The following KCNIP1 variants were observed in gnomAD, a reference collection of about 807,000 sequenced individuals.
KCNIP1 encodes potassium voltage-gated channel interacting protein 1.
Under a neutral mutation model 33.0 loss-of-function variants are expected in KCNIP1, and 18 were observed. The ratio of observed to expected loss-of-function variants is 0.55; its 90% CI spans 0.38 to 0.81. The LOEUF is 0.81. Among genes scored for constraint, KCNIP1 ranks in the 30% least tolerant of loss-of-function variants. KCNIP1 has a pLI of 0.00. For missense variants in KCNIP1, 238 were observed against 271.6 expected, an observed-to-expected ratio of 0.88 and a Z score of 0.87; for synonymous variants, 93 against 98.3, an observed-to-expected ratio of 0.95 and a Z score of 0.32.
intron 1 of KCNIP1, among the ~76,000 whole-genome samples, chr5:170,655,963 G>A (rs770384525): frequency 3.7e-4 from 56 of 152,318 alleles, no homozygotes; most frequent in Non-Finnish European, 7.1e-4. Context: ...GCCCCAAAGG[G>A]CTAGTATGAG....
intron 1 of KCNIP1, among the ~76,000 whole-genome samples, chr5:170,418,380 G>A (rs1414202989): frequency 6.6e-6 from 1 of 152,316 alleles, no homozygotes; most frequent in South Asian, 2.1e-4. Context: ...GCAGAGCTGA[G>A]ACTGCACCAC....
At chr5:170,456,843 C>T (rs35243222) in intron 1 of KCNIP1, among the ~76,000 whole-genome samples, 10,925 of 151,970 alleles carry the variant, frequency 0.072, 414 homozygotes, top group African/African-American at 0.094. Flanking sequence ...CTCAGACTCT[C>T]GAGTAGCTGG....
intron 1 of KCNIP1, among the ~76,000 whole-genome samples, chr5:170,373,945 GGGCAAT>G (rs757895954): frequency 8.5e-5 from 13 of 152,200 alleles, no homozygotes; most frequent in Non-Finnish European, 1.5e-4. Context: ...CCATGTGACA[GGGCAAT>G]GGCTGGTGAG....
intron 1 of KCNIP1, among the ~76,000 whole-genome samples, chr5:170,557,605 G>C (rs149191494): frequency 6.6e-6 from 1 of 152,172 alleles, no homozygotes; most frequent in African/African-American, 2.4e-5. Context: ...TGCCAGTGGA[G>C]AGCAGGGAAG....
upstream of KCNIP1, among the ~76,000 whole-genome samples, chr5:170,503,520 C>G (rs75830690): frequency 6.5e-3 from 985 of 152,150 alleles, 28 homozygotes; most frequent in East Asian, 0.072. Flanking sequence ...TCTGCAGAAC[C>G]CTCAAGGACC....
intron 1 of KCNIP1, among the ~76,000 whole-genome samples, chr5:170,653,906 T>C (rs1204188493): frequency 6.6e-6 from 1 of 151,902 alleles, no homozygotes; most frequent in African/African-American, 2.4e-5. Context: ...AATATTGAAA[T>C]TTTCACTAAA....
chr5:170,437,886 G>A (rs1755901166), intron 1 of KCNIP1, among the ~76,000 whole-genome samples: 1 of 152,214 alleles, frequency 6.6e-6, no homozygotes, highest in Non-Finnish European at 1.5e-5. Flanking sequence ...ATCAGCACAT[G>A]ACCGAACAAA....
intron 1 of KCNIP1, among the ~76,000 whole-genome samples, chr5:170,495,106 C>A (rs1757284433): frequency 6.6e-6 from 1 of 152,184 alleles, no homozygotes; most frequent in South Asian, 2.1e-4. Context: ...TGGCAGAGAA[C>A]CCTCAATCAG....
intron 1 of KCNIP1, among the ~76,000 whole-genome samples, chr5:170,659,712 A>T (rs1761402681): frequency 6.6e-6 from 1 of 152,242 alleles, no homozygotes; most frequent in Admixed American, 6.5e-5. Flanking sequence ...CAGGCTCGGA[A>T]CAAGACTCCT....
At chr5:170,638,318 G>A (rs533321530) in intron 1 of KCNIP1, among the ~76,000 whole-genome samples, 104 of 152,264 alleles carry the variant, frequency 6.8e-4, no homozygotes, top group Non-Finnish European at 5.0e-4. Context: ...CCCCCTGCCA[G>A]GCACGTGCTG....
intron 1 of KCNIP1, among the ~76,000 whole-genome samples, chr5:170,675,971 C>A (rs993624645): frequency 1.9e-5 from 2 of 103,470 alleles, no homozygotes; most frequent in African/African-American, 9.7e-5. Flanking sequence ...ATAGGTAAGA[C>A]TTTTTAATCT....
intron 1 of KCNIP1, among the ~76,000 whole-genome samples, chr5:170,561,495 G>A (rs1757032981): frequency 6.6e-6 from 1 of 152,248 alleles, no homozygotes; most frequent in African/African-American, 2.4e-5. Flanking sequence ...GGAGCATGTG[G>A]GAGACAAGTT....
In KCNIP1 at chr5:170,597,817, A is replaced by G. The variant is rs1373937887; in HGVS notation, c.61+93184A>G. Reference sequence around the variant, plus strand: ...TATATATATATATATATATATATATATATATATATATATGAAAGAAAGAAA... The same window carrying G: ...TATATATATATATATATATATATATGTATATATATATATGAAAGAAAGAAA... On this transcript the variant is annotated intron_variant, in intron 1 of 7. Transcript: ENST00000328939. Among the ~76,000 whole-genome samples, 48 of 97,968 alleles carry G rather than the reference A, an allele frequency of 4.9e-4. 1 individual carries two copies. The highest frequency in any genetic ancestry group is 3.5e-3 in the South Asian group (12 of 3,402). 64.3% of individuals were successfully genotyped at this position (97,968 alleles called of 152,430 possible).
intron 1 of KCNIP1, among the ~76,000 whole-genome samples, chr5:170,480,400 C>G (rs989494110): frequency 2.6e-5 from 4 of 151,882 alleles, no homozygotes. Context: ...TATAAAAGTC[C>G]GTGCCTTCAC....
chr5:170,501,422 C>G (rs1264393616), upstream of KCNIP1, among the ~76,000 whole-genome samples: 1 of 152,124 alleles, frequency 6.6e-6, no homozygotes, highest in Non-Finnish European at 1.5e-5. Flanking sequence ...GTAGAAGAAG[C>G]CACAGGCCAC....
chr5:170,559,930 T>C (rs1756975234), intron 1 of KCNIP1, among the ~76,000 whole-genome samples: 1 of 152,156 alleles, frequency 6.6e-6, no homozygotes, highest in Non-Finnish European at 1.5e-5. Context: ...TCTCCCAAAT[T>C]TCCTCCTGCT....
chr5:170,367,366 A>AAAGG (rs1763698573), intron 1 of KCNIP1, among the ~76,000 whole-genome samples: 2 of 100,020 alleles, frequency 2.0e-5, no homozygotes, highest in African/African-American at 8.6e-5. Flanking sequence ...AGAAAGAAAG[A>AAAGG]AAGAAAGAAA....
At chr5:170,385,601 ACTTCC>A in intron 1 of KCNIP1, 1 of 903,146 alleles carries the variant, frequency 1.1e-6, no homozygotes, top group Non-Finnish European at 1.7e-6. Context: ...GAGCTTTGCA[ACTTCC>A]AGAAGTCTTG....
chr5:170,619,840 T>C (rs186673037), intron 1 of KCNIP1, among the ~76,000 whole-genome samples: 29 of 152,306 alleles, frequency 1.9e-4, no homozygotes, highest in Admixed American at 6.5e-4. Flanking sequence ...CCTGGCACTG[T>C]TAACACTGGA....
Sources: allele counts gnomAD v4.1 joint callset (sites outside exome capture counted in the v4.1 genomes callset), GRCh38; gene constraint gnomAD v4.1.1; transcripts MANE v1.5; gene names NCBI Gene and HGNC (gene_info 2026-07-23, HGNC 2026-07-21).